Variants in AIG1 observed in about 807,000 individuals in gnomAD.
The protein encoded by AIG1 is androgen induced 1, also known as androgen-induced gene 1 protein.
AIG1 carries 23 observed loss-of-function variants against 31.4 expected under a neutral mutation model. That is an observed-to-expected ratio of 0.73 (90% confidence interval 0.53 to 1.04). AIG1 has a LOEUF of 1.04. Ranked by LOEUF, AIG1 falls within the 50% of genes least tolerant of loss-of-function variation. The pLI is 0.00. For missense variants in AIG1, 274 were observed against 295.0 expected, an observed-to-expected ratio of 0.93 and a Z score of 0.52; for synonymous variants, 100 against 110.5, an observed-to-expected ratio of 0.90 and a Z score of 0.60.
chr6:143,207,369 G>A (rs764635274), intron 3 of AIG1, among the ~76,000 whole-genome samples: 1 of 151,794 alleles, frequency 6.6e-6, no homozygotes, highest in Non-Finnish European at 1.5e-5. Flanking sequence ...AAGATTTGTG[G>A]CACCACTGTT....
intron 1 of AIG1, among the ~76,000 whole-genome samples, chr6:143,068,764 A>G (rs1424362650): frequency 6.6e-6 from 1 of 151,934 alleles, no homozygotes; most frequent in Non-Finnish European, 1.5e-5. Flanking sequence ...GAACTTTAGT[A>G]CATACAGGAA....
At chr6:143,259,661 G>A (rs559752077) in intron 3 of AIG1, among the ~76,000 whole-genome samples, 138 of 152,162 alleles carry the variant, frequency 9.1e-4, no homozygotes, top group African/African-American at 3.1e-3. Context: ...CATTCCTTGC[G>A]TGCTCATAAC....
At chr6:143,184,691 C>T (rs946707506) in intron 3 of AIG1, among the ~76,000 whole-genome samples, 15 of 152,318 alleles carry the variant, frequency 9.8e-5, no homozygotes, top group African/African-American at 3.4e-4. Flanking sequence ...GCAGCAGCCT[C>T]GTCTCTCATC....
chr6:143,294,132 A>G (rs954514289), intron 4 of AIG1, among the ~76,000 whole-genome samples: 11 of 152,116 alleles, frequency 7.2e-5, no homozygotes, highest in African/African-American at 2.4e-4. Flanking sequence ...CTCTGGCCTC[A>G]TACCCTTCTA....
chr6:143,141,890 G>A (rs1426399834), intron 2 of AIG1, among the ~76,000 whole-genome samples: 2 of 151,946 alleles, frequency 1.3e-5, no homozygotes, highest in African/African-American at 2.4e-5. Context: ...AACCAAAAAG[G>A]GGAGGGGAGG....
At chr6:143,168,599 A>G (rs996353432) in intron 3 of AIG1, among the ~76,000 whole-genome samples, 3 of 151,976 alleles carry the variant, frequency 2.0e-5, no homozygotes, top group African/African-American at 7.2e-5. Flanking sequence ...AATCCATTCC[A>G]AATTTCTTAC....
intron 3 of AIG1, among the ~76,000 whole-genome samples, chr6:143,242,634 A>C (rs78410294): frequency 0.032 from 4,803 of 152,324 alleles, 288 homozygotes; most frequent in Admixed American, 0.16. Flanking sequence ...ACCCAGTGCC[A>C]TTATAGGGGT....
At chr6:143,127,517 A>G (rs1782796802) in intron 1 of AIG1, among the ~76,000 whole-genome samples, 1 of 152,268 alleles carries the variant, frequency 6.6e-6, no homozygotes, top group Non-Finnish European at 1.5e-5. Context: ...CAAGACAAAT[A>G]TACTCTGGCC....
At position 143,148,337 on chromosome 6, in the gene AIG1, C is replaced by CAAA. The variant is rs527337431; in HGVS notation, c.297+11367_297+11369dup. Among the ~76,000 whole-genome samples the CAAA allele has an allele frequency of 5.5e-3, 254 of 46,216 alleles. 3 individuals are homozygous for CAAA. The highest frequency in any genetic ancestry group is 0.016 in the African/African-American group (237 of 14,626). 30.3% of individuals were successfully genotyped at this position (46,216 alleles called of 152,430 possible). On this transcript the variant is annotated intron_variant, in intron 2 of 5. Coordinates refer to ENST00000357847, the MANE Select transcript of AIG1 (RefSeq NM_016108.4). ...GGAACATAGTGAGATCCCATCTCTA[C>CAAA]AAAAAAAAAAAAAAAAAAAAAATTA...
At chr6:143,122,637 C>G (rs1344632109) in intron 1 of AIG1, among the ~76,000 whole-genome samples, 1 of 152,078 alleles carries the variant, frequency 6.6e-6, no homozygotes, top group East Asian at 1.9e-4. Context: ...TTTTCTTGCC[C>G]TACAATTTAC....
intron 2 of AIG1, among the ~76,000 whole-genome samples, chr6:143,140,025 G>A (rs188102270): frequency 6.6e-6 from 1 of 152,308 alleles, no homozygotes; most frequent in African/African-American, 2.4e-5. Flanking sequence ...AAGGAAAGAG[G>A]TTTAATTGAC....
At chr6:143,222,497 G>A (rs1230030146) in intron 3 of AIG1, among the ~76,000 whole-genome samples, 1 of 152,124 alleles carries the variant, frequency 6.6e-6, no homozygotes, top group African/African-American at 2.4e-5. Flanking sequence ...TCCAGAGCCT[G>A]TGAATTTCAT....
At chr6:143,072,877 G>T (rs1210345322) in intron 1 of AIG1, among the ~76,000 whole-genome samples, 1 of 152,024 alleles carries the variant, frequency 6.6e-6, no homozygotes, top group Non-Finnish European at 1.5e-5. Context: ...TGATTTTGTG[G>T]CAAGAGCCAC....
chr6:143,140,628 G>T (rs1025771450), intron 2 of AIG1, among the ~76,000 whole-genome samples: 1 of 152,174 alleles, frequency 6.6e-6, no homozygotes, highest in African/African-American at 2.4e-5. Flanking sequence ...GTGCCTCCTG[G>T]CCTGGAATGG....
At chr6:143,214,146 G>T (rs139086819) in intron 3 of AIG1, among the ~76,000 whole-genome samples, 12 of 152,130 alleles carry the variant, frequency 7.9e-5, no homozygotes, top group African/African-American at 2.7e-4. Context: ...AAATGCCTCC[G>T]TGTTTTCCTA....
At chr6:143,257,596 G>C (rs569071219) in intron 3 of AIG1, among the ~76,000 whole-genome samples, 1 of 152,116 alleles carries the variant, frequency 6.6e-6, no homozygotes, top group Non-Finnish European at 1.5e-5. Flanking sequence ...TTTGGTTTTG[G>C]TTCTTTGTTT....
intron 3 of AIG1, among the ~76,000 whole-genome samples, chr6:143,179,817 AT>A (rs1788554301): frequency 6.6e-6 from 1 of 152,244 alleles, no homozygotes; most frequent in Admixed American, 6.5e-5. Context: ...ATTTATTGTA[AT>A]TAAAAATATA....
At chr6:143,060,844 C>T, upstream of AIG1, 4 of 956,152 alleles carry the variant, frequency 4.2e-6, no homozygotes, top group Non-Finnish European at 5.0e-6. Flanking sequence ...CCCGGGTTCC[C>T]ACGGCGCCCG....
At chr6:143,171,249 C>A (rs1328349766) in intron 3 of AIG1, among the ~76,000 whole-genome samples, 1 of 150,716 alleles carries the variant, frequency 6.6e-6, no homozygotes, top group African/African-American at 2.4e-5. Context: ...GCCTTTGCAT[C>A]CTCATAGCTT....
Sources: gnomAD v4.1 joint callset for allele counts (sites outside exome capture counted in the v4.1 genomes callset) on GRCh38, gnomAD v4.1.1 for gene constraint, MANE v1.5 for transcripts, NCBI Gene and HGNC (gene_info 2026-07-23, HGNC 2026-07-21) for gene names.